The following C12orf42 variants were observed in gnomAD, a reference collection of about 807,000 sequenced individuals.
C12orf42 encodes uncharacterized protein C12orf42.
A neutral mutation model predicts 21.6 loss-of-function variants in C12orf42; 25 were observed. The observed-to-expected ratio is 1.16, with a 90% CI of 0.84 to 1.62. The LOEUF (loss-of-function observed/expected upper bound fraction) is 1.62. Among genes scored for constraint, C12orf42 ranks in the 40% most tolerant of loss-of-function variants. C12orf42 has a pLI of 0.00. For synonymous variants in C12orf42, 174 were observed against 175.0 expected (o/e 0.99, Z 0.05); for missense variants, 483 against 459.3 (o/e 1.05, Z -0.47).
In C12orf42 at chr12:103,478,416, A is replaced by G; in HGVS notation, c.11T>C (p.Val4Ala). 1.9e-6 allele frequency: 3 copies of G among 1,586,316 alleles called. No individual in the cohort carries two copies. The highest frequency in any genetic ancestry group is 2.6e-6 in the Non-Finnish European group (3 of 1,163,438). Residue 4 changes from valine (V) to alanine (A), a missense_variant, in exon 2 of 6, where the codon GTG becomes GCG. Coordinates refer to ENST00000548883, the MANE Select transcript of C12orf42 (RefSeq NM_198521.5). MST[V>A]ICMKQREEEF... is the part of the protein sequence containing the mutation. ...TTCTTCCCTTTGTTTCATACATATCACTGTAGACATTAATTTGACAAGTTC... is the reference window on the plus strand; with the variant it reads ...TTCTTCCCTTTGTTTCATACATATCGCTGTAGACATTAATTTGACAAGTTC...
chr12:103,445,704 T>C (rs1188530490), intron 2 of C12orf42, among the ~76,000 whole-genome samples: 2 of 152,042 alleles, frequency 1.3e-5, no homozygotes, highest in African/African-American at 2.4e-5. Context: ...AGCTTTCCCA[T>C]TATTTTGTTT....
At chr12:103,293,712 T>C (rs533103856) in intron 4 of C12orf42, among the ~76,000 whole-genome samples, 26 of 152,294 alleles carry the variant, frequency 1.7e-4, no homozygotes, top group African/African-American at 5.3e-4. Context: ...TCACGTGTTG[T>C]TTAACACTTT....
At chr12:103,145,137 T>C in the C12orf42 span, among the ~76,000 whole-genome samples, 2 of 152,152 alleles carry the variant, frequency 1.3e-5, no homozygotes, top group Non-Finnish European at 2.9e-5. Flanking sequence ...AGTCCCCGTC[T>C]CCCCAAAAAA....
intron 4 of C12orf42, among the ~76,000 whole-genome samples, chr12:103,342,850 G>A (rs2042280195): frequency 6.6e-6 from 1 of 152,108 alleles, no homozygotes; most frequent in African/African-American, 2.4e-5. Context: ...CTTCCCAGAT[G>A]TCAGAAAGAA....
the C12orf42 span, among the ~76,000 whole-genome samples, chr12:103,550,050 T>C: frequency 6.6e-6 from 1 of 152,154 alleles, no homozygotes; most frequent in African/African-American, 2.4e-5. Context: ...AGTTTTCTTT[T>C]TGAAACTACT....
chr12:103,457,047 C>A (rs1312075375), intron 2 of C12orf42, among the ~76,000 whole-genome samples: 3 of 152,118 alleles, frequency 2.0e-5, no homozygotes, highest in African/African-American at 7.2e-5. Flanking sequence ...GAGAAAAAAA[C>A]CACCCGAATA....
At chr12:103,226,076 G>A in the C12orf42 span, among the ~76,000 whole-genome samples, 8 of 152,210 alleles carry the variant, frequency 5.3e-5, no homozygotes, top group East Asian at 1.9e-4. Flanking sequence ...CAGATGGGAC[G>A]TGGCTTAGGA....
At chr12:103,496,902 A>G (rs1955571816), upstream of C12orf42, among the ~76,000 whole-genome samples, 1 of 151,902 alleles carries the variant, frequency 6.6e-6, no homozygotes, top group South Asian at 2.1e-4. Flanking sequence ...GGAAGCCAAC[A>G]GCCTTTCTCT....
At chr12:103,073,896 G>A in the C12orf42 span, among the ~76,000 whole-genome samples, 2 of 152,086 alleles carry the variant, frequency 1.3e-5, no homozygotes, top group East Asian at 1.9e-4. Flanking sequence ...TTTAAGAGAC[G>A]TCATACGTGG....
intron 2 of C12orf42, among the ~76,000 whole-genome samples, chr12:103,474,060 C>T (rs1296134502): frequency 6.6e-6 from 1 of 152,098 alleles, no homozygotes; most frequent in African/African-American, 2.4e-5. Context: ...TCACCATCCA[C>T]CACCCCATCC....
Position 103,376,433 on chromosome 12 carries a change from C to T in C12orf42, c.148-7435G>A, listed in dbSNP as rs141819027. 4.7e-3 allele frequency among the ~76,000 whole-genome samples: 708 copies of T among 152,170 alleles called. 8 individuals are homozygous for T. The highest frequency in any genetic ancestry group is 0.016 in the African/African-American group (670 of 41,492). ...GGGTGGGGGGCAAGGGGAAAGAGAGCATTAGGACAAATACCTAACGCACAC... is the reference window on the plus strand; with the variant it reads ...GGGTGGGGGGCAAGGGGAAAGAGAGTATTAGGACAAATACCTAACGCACAC... On this transcript the variant is annotated intron_variant, in intron 3 of 5. Transcript: ENST00000548883.
At chr12:103,226,424 G>T in the C12orf42 span, among the ~76,000 whole-genome samples, 15 of 152,094 alleles carry the variant, frequency 9.9e-5, no homozygotes, top group African/African-American at 3.4e-4. Flanking sequence ...ACCTTTTAGG[G>T]TCTAGGGCTG....
chr12:103,422,936 T>A (rs1331771512), intron 2 of C12orf42, among the ~76,000 whole-genome samples: 1 of 152,210 alleles, frequency 6.6e-6, no homozygotes, highest in African/African-American at 2.4e-5. Context: ...ATTTTCCCTG[T>A]AGCATTTTAT....
chr12:103,540,299 C>T, the C12orf42 span, among the ~76,000 whole-genome samples: 2 of 152,218 alleles, frequency 1.3e-5, no homozygotes, highest in Non-Finnish European at 2.9e-5. Flanking sequence ...AGCTACCGCG[C>T]CCGGCCGAGG....
downstream of C12orf42, among the ~76,000 whole-genome samples, chr12:103,263,720 C>G (rs79721491): frequency 4.7e-3 from 723 of 152,302 alleles, 10 homozygotes; most frequent in African/African-American, 0.017. Context: ...CTCAAGTCGT[C>G]CCATATAATC....
intron 4 of C12orf42, among the ~76,000 whole-genome samples, chr12:103,360,298 G>T (rs762427517): frequency 1.3e-5 from 2 of 151,428 alleles, no homozygotes; most frequent in Non-Finnish European, 2.9e-5. Flanking sequence ...GCAGGGCTCT[G>T]CTCCTATCCA....
At chr12:103,451,655 C>G (rs1294354771) in intron 2 of C12orf42, among the ~76,000 whole-genome samples, 1 of 152,080 alleles carries the variant, frequency 6.6e-6, no homozygotes, top group Non-Finnish European at 1.5e-5. Flanking sequence ...AGCTGACTCT[C>G]CAACATTCTG....
chr12:103,550,156 TTAA>T, the C12orf42 span, among the ~76,000 whole-genome samples: 15 of 152,134 alleles, frequency 9.9e-5, no homozygotes, highest in Non-Finnish European at 2.1e-4. Context: ...ATTTCATCCA[TTAA>T]TAATACAATA....
the C12orf42 span, among the ~76,000 whole-genome samples, chr12:103,049,241 A>T: frequency 1.3e-5 from 2 of 152,176 alleles, no homozygotes; most frequent in African/African-American, 4.8e-5. Flanking sequence ...CGCTCCTCTC[A>T]TGATCTTTGC....
Sources: gnomAD v4.1 joint callset for allele counts (sites outside exome capture counted in the v4.1 genomes callset) on GRCh38, gnomAD v4.1.1 for gene constraint, MANE v1.5 for transcripts, NCBI Gene and HGNC (gene_info 2026-07-23, HGNC 2026-07-21) for gene names.